The following SLC2A3 variants were observed in gnomAD, a reference collection of about 807,000 sequenced individuals.
SLC2A3 encodes solute carrier family 2 member 3.
Under a neutral mutation model 46.4 loss-of-function variants are expected in SLC2A3, and 21 were observed. The ratio of observed to expected loss-of-function variants is 0.45; its 90% CI spans 0.32 to 0.65. SLC2A3 has a LOEUF of 0.65. Ranked by LOEUF, SLC2A3 falls within the 30% of genes least tolerant of loss-of-function variation. SLC2A3 has a pLI of 0.04. For missense variants in SLC2A3, 499 were observed against 623.3 expected (o/e 0.80, Z 2.12); for synonymous variants, 213 against 239.4 (o/e 0.89, Z 1.02).
chr12:7,925,797 G>C, intron 7 of SLC2A3, 47 bp downstream of exon 7: 1 of 1,403,372 alleles, frequency 7.1e-7, no homozygotes, highest in Non-Finnish European at 1.0e-6. Flanking sequence ...AACATCTGTA[G>C]CAAGGATTCT....
intron 5 of SLC2A3, 67 bp downstream of exon 5, chr12:7,930,413 A>G: frequency 1.4e-6 from 2 of 1,460,812 alleles, no homozygotes; most frequent in Non-Finnish European, 1.9e-6. Flanking sequence ...AAGTAGGTCC[A>G]GTACAATCAT....
chr12:7,923,382 G>A (rs981523786), intron 8 of SLC2A3: 5 of 187,548 alleles, frequency 2.7e-5, no homozygotes, highest in African/African-American at 1.2e-4. Context: ...CTCACGCCAA[G>A]GCAGGTGGAT....
intron 8 of SLC2A3, among the ~76,000 whole-genome samples, chr12:7,923,624 T>A (rs1003664345): frequency 5.4e-5 from 8 of 148,700 alleles, no homozygotes; most frequent in South Asian, 2.2e-4. Flanking sequence ...AAAAAAAAAA[T>A]TTTTTTTTGT....
chr12:7,934,223 C>T (rs536053540), intron 1 of SLC2A3, among the ~76,000 whole-genome samples: 14 of 152,174 alleles, frequency 9.2e-5, no homozygotes, highest in African/African-American at 2.9e-4. Flanking sequence ...ATTCCACTCA[C>T]GAACTGGGAG....
Position 7,933,161 on chromosome 12 carries a change from G to T in SLC2A3, c.109-14C>A, listed in dbSNP as rs1419860577. The T allele has an allele frequency of 5.0e-6, 8 of 1,613,380 alleles. No homozygotes were observed. Among genetic ancestry groups the T allele is most frequent in the Admixed American group, 1.7e-5 (1 of 59,944 alleles). On this transcript the variant is annotated splice_polypyrimidine_tract_variant and intron_variant, in intron 2 of 9. Transcript: ENST00000075120. ...TTCCTTTATGATCTGCAAAATAAAA[G>T]GGTTGGTGGAAGAACAGACTGTTAC...
chr12:7,924,331 C>T lies in SLC2A3; in HGVS notation c.1068+79G>A, dbSNP rs1946071989. On this transcript the variant is annotated intron_variant, in intron 8 of 9. Transcript: ENST00000075120. ...TATTGACAAACTGCAACCTTAACAACCCACCCCTTGTGTCACAGAAGTCAA... is the reference window on the plus strand; with the variant it reads ...TATTGACAAACTGCAACCTTAACAATCCACCCCTTGTGTCACAGAAGTCAA... 35 of 1,537,016 alleles carry T rather than the reference C, an allele frequency of 2.3e-5. No individual in the cohort carries two copies. The Middle Eastern group carries it at 6.8e-4, about 30-fold the overall frequency.
In SLC2A3 at chr12:7,926,068, A is replaced by G. The variant is rs1252142374; in HGVS notation, c.862-120T>C. The G allele has an allele frequency of 1.7e-5, 13 of 771,926 alleles. No individual in the cohort carries two copies. In the Admixed American group the frequency reaches 2.9e-4, roughly 17 times the overall value. 47.8% of individuals were successfully genotyped at this position (771,926 alleles called of 1,614,324 possible). A position where few individuals can be genotyped will look rare whatever the true frequency, so the allele number is the denominator to read the frequency against. ...AGTCCTTTTTCTAGGTTTTCGTTCA[A>G]TACTAATATCCCTTCTGCAAATGAA... On this transcript the variant is annotated intron_variant, in intron 6 of 9. Coordinates refer to ENST00000075120, the MANE Select transcript of SLC2A3 (RefSeq NM_006931.3).
rs775962370 is a variant in SLC2A3, at chr12:7,927,543, A to G, written c.862-1595T>C. On this transcript the variant is annotated intron_variant, in intron 6 of 9. Coordinates refer to ENST00000075120, the MANE Select transcript of SLC2A3 (RefSeq NM_006931.3). ...AATGCAACCTCTTACCCATCTGCCC[A>G]TAAGGGAAATTAGAAATCATCATTT... Among the ~76,000 whole-genome samples the G allele has an allele frequency of 4.1e-5, 6 of 146,350 alleles. No individual in the cohort carries two copies. The South Asian group carries it at 1.3e-3, about 33-fold the overall frequency.
chr12:7,926,310 C>A (rs57892237), intron 6 of SLC2A3, among the ~76,000 whole-genome samples: 1 of 151,952 alleles, frequency 6.6e-6, no homozygotes, highest in African/African-American at 2.4e-5. Flanking sequence ...AGGCTGGTCT[C>A]GTACTCCTGA....
intron 3 of SLC2A3, 100 bp from the exon 4 acceptor site, chr12:7,931,585 CCCT>C (rs1946156532): frequency 1.3e-6 from 2 of 1,491,212 alleles, no homozygotes; most frequent in Admixed American, 2.3e-5. Context: ...CTCATATCAT[CCCT>C]TTTTTTTTTA....
At chr12:7,929,465 TC>T (rs1946129932) in intron 6 of SLC2A3, 2 of 642,480 alleles carry the variant, frequency 3.1e-6, no homozygotes, top group Non-Finnish European at 5.0e-6. Context: ...TTTTTTTTTT[TC>T]CTTTTTTTAA....
At position 7,931,408 on chromosome 12, in the gene SLC2A3, G is replaced by T. The variant is rs780195679; in HGVS notation, c.347C>A (p.Ser116Ter). Residue 116 changes from serine to a stop codon, truncating the protein, a stop_gained, in exon 4 of 10, where the codon TCG (serine) becomes TAG (stop). Transcript: ENST00000075120. LOFTEE classifies it high-confidence loss of function. Reference sequence around the variant, plus strand: ...GCGACCCAGGATCAGCATTTCAACCGACTTAGCTACTTTACACAGTCCCAT... The same window carrying T: ...GCGACCCAGGATCAGCATTTCAACCTACTTAGCTACTTTACACAGTCCCAT... ...CFMGLCKVAK[S>*]VEMLILGRLV... 1 of 1,614,092 alleles carries T rather than the reference G, an allele frequency of 6.2e-7. No individual in the cohort carries two copies. The highest frequency in any genetic ancestry group is 8.5e-7 in the Non-Finnish European group (1 of 1,180,010).
At chr12:7,933,265 A>G in intron 2 of SLC2A3, 118 bp from the exon 3 acceptor site, 1 of 1,109,818 alleles carries the variant, frequency 9.0e-7, no homozygotes. Flanking sequence ...ACAGGAATGG[A>G]AGGGGCAGAT....
intron 9 of SLC2A3, among the ~76,000 whole-genome samples, chr12:7,922,255 G>A (rs1946044587): frequency 6.6e-6 from 1 of 152,070 alleles, no homozygotes; most frequent in East Asian, 1.9e-4. Context: ...TGTAGAAACA[G>A]GGTTTCACCA....
chr12:7,922,284 C>A (rs1183273157), intron 9 of SLC2A3, among the ~76,000 whole-genome samples: 1 of 152,034 alleles, frequency 6.6e-6, no homozygotes, highest in African/African-American at 2.4e-5. Flanking sequence ...AGGTTGGTCC[C>A]CAACTCCTGA....
intron 1 of SLC2A3, among the ~76,000 whole-genome samples, chr12:7,935,184 T>C (rs1946199552): frequency 6.6e-6 from 1 of 152,170 alleles, no homozygotes; most frequent in Non-Finnish European, 1.5e-5. Context: ...CTGCGCGCAG[T>C]GGCTCATGCC....
intron 8 of SLC2A3, 21 bp downstream of exon 8, chr12:7,924,389 T>C (rs766950045): frequency 6.2e-7 from 1 of 1,608,948 alleles, no homozygotes; most frequent in African/African-American, 1.4e-5. Context: ...CTCCCTTTTT[T>C]TTCACCCAAA....
chr12:7,930,264 A>G, intron 5 of SLC2A3: 1 of 559,664 alleles, frequency 1.8e-6, no homozygotes, highest in Non-Finnish European at 3.0e-6. Flanking sequence ...TACAGGCATG[A>G]GCCATCACAC....
At chr12:7,924,103 CAT>C (rs1946069823) in intron 8 of SLC2A3, among the ~76,000 whole-genome samples, 1 of 152,116 alleles carries the variant, frequency 6.6e-6, no homozygotes, top group African/African-American at 2.4e-5. Context: ...TATATGATCT[CAT>C]ATATGTCACT....
Sources: allele counts gnomAD v4.1 joint callset (sites outside exome capture counted in the v4.1 genomes callset), GRCh38; gene constraint gnomAD v4.1.1; transcripts MANE v1.5; gene names NCBI Gene and HGNC (gene_info 2026-07-23, HGNC 2026-07-21).